The following CTNNA2 variants were observed in gnomAD, a reference collection of about 807,000 sequenced individuals.
CTNNA2 encodes catenin alpha-2.
Under a neutral mutation model 101.0 loss-of-function variants are expected in CTNNA2, and 42 were observed. The observed-to-expected ratio is 0.42, with a 90% CI of 0.32 to 0.54. The LOEUF (loss-of-function observed/expected upper bound fraction) is 0.54, where lower values mean the gene tolerates loss of function less well. CTNNA2 is among the 20% of genes least tolerant of loss of function. The pLI, the probability that CTNNA2 is intolerant of heterozygous loss-of-function variation, is 0.14. For missense variants in CTNNA2, 871 were observed against 1,223.1 expected (o/e 0.71, Z 4.29); for synonymous variants, 450 against 456.4 (o/e 0.99, Z 0.18).
intron 2 of CTNNA2, among the ~76,000 whole-genome samples, chr2:79,221,193 G>A (rs759227312): frequency 6.6e-6 from 1 of 152,116 alleles, no homozygotes; most frequent in Non-Finnish European, 1.5e-5. Flanking sequence ...GTGTTGCCCA[G>A]GCTGGAATGC....
chr2:79,922,267 A>T (rs1686712957), intron 7 of CTNNA2, among the ~76,000 whole-genome samples: 1 of 152,186 alleles, frequency 6.6e-6, no homozygotes, highest in South Asian at 2.1e-4. Context: ...ACTCAAGAAG[A>T]CATCATTTGC....
intron 7 of CTNNA2, among the ~76,000 whole-genome samples, chr2:80,142,449 G>T (rs988859474): frequency 5.9e-5 from 9 of 152,038 alleles, no homozygotes. Context: ...AGGATGTCTT[G>T]GAAGCCCTAA....
intron 7 of CTNNA2, among the ~76,000 whole-genome samples, chr2:80,286,691 C>A (rs564374650): frequency 6.6e-6 from 1 of 152,096 alleles, no homozygotes; most frequent in African/African-American, 2.4e-5. Context: ...GTGTATAGTC[C>A]ACCTTCTTCA....
chr2:79,322,195 G>A (rs561108870), intron 3 of CTNNA2, among the ~76,000 whole-genome samples: 10 of 152,308 alleles, frequency 6.6e-5, no homozygotes, highest in African/African-American at 2.4e-4. Flanking sequence ...AAGGAACTAA[G>A]ATAATTGTCA....
At chr2:80,318,540 G>A (rs1007853475) in intron 7 of CTNNA2, among the ~76,000 whole-genome samples, 1 of 152,118 alleles carries the variant, frequency 6.6e-6, no homozygotes, top group Non-Finnish European at 1.5e-5. Context: ...ATCCCGTTGA[G>A]CTTTGACATT....
At chr2:80,592,784 G>A (rs575172342) in intron 15 of CTNNA2, among the ~76,000 whole-genome samples, 1 of 152,146 alleles carries the variant, frequency 6.6e-6, no homozygotes, top group African/African-American at 2.4e-5. Context: ...AAAATACGTT[G>A]GATTAACTCA....
At chr2:79,271,721 A>G (rs931378486) in intron 2 of CTNNA2, among the ~76,000 whole-genome samples, 1 of 152,024 alleles carries the variant, frequency 6.6e-6, no homozygotes, top group Non-Finnish European at 1.5e-5. Flanking sequence ...CTACGTCCCT[A>G]GGGCAGGTCA....
intron 2 of CTNNA2, among the ~76,000 whole-genome samples, chr2:79,291,938 T>C (rs898843077): frequency 2.6e-5 from 4 of 152,036 alleles, no homozygotes; most frequent in Non-Finnish European, 5.9e-5. Flanking sequence ...GAGTTATTAG[T>C]AACGGGATTG....
At chr2:79,698,806 A>G (rs534719603) in intron 2 of CTNNA2, among the ~76,000 whole-genome samples, 1 of 152,182 alleles carries the variant, frequency 6.6e-6, no homozygotes, top group Admixed American at 6.5e-5. Flanking sequence ...TGGCCCTGAT[A>G]AACATAATCC....
chr2:80,628,707 G>A (rs760943559), intron 18 of CTNNA2, among the ~76,000 whole-genome samples: 6 of 151,936 alleles, frequency 3.9e-5, no homozygotes, highest in Non-Finnish European at 8.8e-5. Flanking sequence ...GGTAACTCCT[G>A]CCTACAGCAT....
At chr2:79,627,530 C>T (rs897787583) in intron 1 of CTNNA2, among the ~76,000 whole-genome samples, 1 of 152,170 alleles carries the variant, frequency 6.6e-6, no homozygotes, top group Non-Finnish European at 1.5e-5. Context: ...ATTTCAGGCC[C>T]CATTATACCA....
At chr2:80,009,726 C>CTGTGTGTGTGTG (rs57813087) in intron 7 of CTNNA2, among the ~76,000 whole-genome samples, 13 of 147,892 alleles carry the variant, frequency 8.8e-5, no homozygotes, top group South Asian at 4.4e-4. Flanking sequence ...TGGTGTGTGT[C>CTGTGTGTGTGTG]TGTGTGTGTG....
intron 2 of CTNNA2, among the ~76,000 whole-genome samples, chr2:79,729,031 A>T (rs1024274693): frequency 6.6e-6 from 1 of 152,272 alleles, no homozygotes; most frequent in African/African-American, 2.4e-5. Context: ...AAAACTTACC[A>T]TCATGAACCA....
chr2:79,760,064 A>G (rs909020918), intron 3 of CTNNA2, among the ~76,000 whole-genome samples: 6 of 152,148 alleles, frequency 3.9e-5, no homozygotes, highest in Admixed American at 3.9e-4. Context: ...AACCTGACTC[A>G]ATAATTTATT....
At chr2:80,333,575 T>C (rs897065754) in intron 7 of CTNNA2, among the ~76,000 whole-genome samples, 2 of 152,196 alleles carry the variant, frequency 1.3e-5, no homozygotes, top group Admixed American at 6.5e-5. Context: ...CATAATACCA[T>C]TGGTCAGTGA....
At chr2:80,307,823 A>G (rs1056799265) in intron 7 of CTNNA2, among the ~76,000 whole-genome samples, 4 of 152,242 alleles carry the variant, frequency 2.6e-5, no homozygotes, top group Admixed American at 6.5e-5. Context: ...CCATCATGCC[A>G]ACATGTGATT....
Position 79,351,496 on chromosome 2 carries a change from A to C in CTNNA2, c.-317-22335A>C, listed in dbSNP as rs139162394. ...CATGTTTGTTGCATAGGTATATTACATGATGCTGAGATTAGGAGTACAAAT... is the reference window on the plus strand; with the variant it reads ...CATGTTTGTTGCATAGGTATATTACCTGATGCTGAGATTAGGAGTACAAAT... On this transcript the variant is annotated intron_variant, in intron 3 of 21. Coordinates refer to the CTNNA2 transcript ENST00000466387. 1.7e-3 allele frequency among the ~76,000 whole-genome samples: 254 copies of C among 152,264 alleles called. 3 individuals are homozygous for C. In the East Asian group the frequency reaches 0.032, roughly 19 times the overall value.
At chr2:79,246,020 A>C (rs990319087) in intron 2 of CTNNA2, among the ~76,000 whole-genome samples, 1 of 152,238 alleles carries the variant, frequency 6.6e-6, no homozygotes, top group South Asian at 2.1e-4. Flanking sequence ...ATCCATCATT[A>C]TGCTGAATAC....
intron 2 of CTNNA2, among the ~76,000 whole-genome samples, chr2:79,652,489 G>C (rs1029380824): frequency 2.0e-5 from 3 of 151,952 alleles, no homozygotes; most frequent in African/African-American, 7.3e-5. Context: ...TTCAAATCCA[G>C]CAATGTAGCA....
Sources: allele counts gnomAD v4.1 joint callset (sites outside exome capture counted in the v4.1 genomes callset), GRCh38; gene constraint gnomAD v4.1.1; transcripts MANE v1.5; gene names NCBI Gene and HGNC (gene_info 2026-07-23, HGNC 2026-07-21).